TRPC3: variants seen among roughly 807,000 people sequenced by gnomAD.
The protein encoded by TRPC3 is transient receptor potential cation channel subfamily C member 3, also known as short transient receptor potential channel 3.
Under a neutral mutation model 90.9 loss-of-function variants are expected in TRPC3, and 54 were observed. The observed-to-expected ratio is 0.59, with a 90% CI of 0.48 to 0.75. The LOEUF (loss-of-function observed/expected upper bound fraction) is 0.75. Ranked by LOEUF, TRPC3 falls within the 30% of genes least tolerant of loss-of-function variation. The pLI is 0.00. For missense variants in TRPC3, 918 were observed against 1,194.5 expected, an observed-to-expected ratio of 0.77 and a Z score of 3.41; for synonymous variants, 424 against 450.9, an observed-to-expected ratio of 0.94 and a Z score of 0.75.
At chr4:121,949,298 A>G (rs71606243) in intron 1 of TRPC3, among the ~76,000 whole-genome samples, 33,651 of 152,056 alleles carry the variant, frequency 0.22, 3,784 homozygotes, top group East Asian at 0.29. Flanking sequence ...TTTTCCTCCC[A>G]AGTCAGTCTA....
chr4:121,931,155 A>G (rs866691454), intron 2 of TRPC3, among the ~76,000 whole-genome samples: 1 of 152,182 alleles, frequency 6.6e-6, no homozygotes, highest in Non-Finnish European at 1.5e-5. Context: ...GGCAAAGTAT[A>G]TTTTCTGTAT....
At chr4:121,942,265 A>G (rs1464788261) in intron 1 of TRPC3, among the ~76,000 whole-genome samples, 1 of 152,170 alleles carries the variant, frequency 6.6e-6, no homozygotes, top group Non-Finnish European at 1.5e-5. Context: ...TTCATGCATA[A>G]TTTTAATAAA....
chr4:121,909,331 C>T (rs1339366384), intron 6 of TRPC3, among the ~76,000 whole-genome samples: 1 of 152,098 alleles, frequency 6.6e-6, no homozygotes, highest in African/African-American at 2.4e-5. Context: ...AAAAAGTATT[C>T]TTCACAACCA....
At chr4:121,922,877 T>C (rs1269686411) in intron 3 of TRPC3, among the ~76,000 whole-genome samples, 1 of 152,240 alleles carries the variant, frequency 6.6e-6, no homozygotes, top group Non-Finnish European at 1.5e-5. Context: ...AATTTAATTA[T>C]CTTGTAACAT....
chr4:121,913,954 C>T (rs899221702), intron 4 of TRPC3, among the ~76,000 whole-genome samples: 8 of 152,178 alleles, frequency 5.3e-5, no homozygotes, highest in African/African-American at 1.9e-4. Flanking sequence ...CTCATTTTGC[C>T]TTGAAACTAC....
At chr4:121,913,132 G>A (rs937519617) in intron 4 of TRPC3, among the ~76,000 whole-genome samples, 7 of 152,124 alleles carry the variant, frequency 4.6e-5, no homozygotes, top group Non-Finnish European at 1.0e-4. Flanking sequence ...GCACACAGAC[G>A]AATGTCACAT....
intron 9 of TRPC3, among the ~76,000 whole-genome samples, chr4:121,901,580 T>C (rs1398946427): frequency 1.3e-5 from 2 of 152,212 alleles, no homozygotes; most frequent in African/African-American, 2.4e-5. Flanking sequence ...GAGGTTCAAA[T>C]GTACAGGAAA....
intron 6 of TRPC3, 130 bp downstream of exon 6, chr4:121,910,024 G>T: frequency 2.9e-6 from 2 of 699,324 alleles, no homozygotes; most frequent in Non-Finnish European, 2.4e-6. Flanking sequence ...CAAAGTTCAT[G>T]CTTTCTCCAC....
At position 121,892,990 on chromosome 4, in the gene TRPC3, A is replaced by T. The variant is rs1728382346; in HGVS notation, c.2547+6622T>A. Reference sequence around the variant, plus strand: ...ACAAAAGTTAGCTGGGTGTGGTGGCAGGCACCAGTAGTCCCAGCTACTCGG... The same window carrying T: ...ACAAAAGTTAGCTGGGTGTGGTGGCTGGCACCAGTAGTCCCAGCTACTCGG... On this transcript the variant is annotated intron_variant, in intron 10 of 11. Transcript: ENST00000379645. Among the ~76,000 whole-genome samples the T allele has an allele frequency of 2.0e-5, 3 of 151,892 alleles. 1 individual carries two copies. The highest frequency in any genetic ancestry group is 1.3e-4 in the Admixed American group (2 of 15,254).
chr4:121,930,483 G>A (rs1341956690), intron 2 of TRPC3, among the ~76,000 whole-genome samples: 1 of 152,120 alleles, frequency 6.6e-6, no homozygotes, highest in Non-Finnish European at 1.5e-5. Flanking sequence ...TATGGACTTA[G>A]TCAGCTTCAG....
At chr4:121,895,204 C>A (rs1728477270) in intron 10 of TRPC3, among the ~76,000 whole-genome samples, 1 of 151,618 alleles carries the variant, frequency 6.6e-6, no homozygotes, top group African/African-American at 2.4e-5. Context: ...ATGCCTACAT[C>A]CATCAAAAAA....
chr4:121,897,835 A>G (rs1728571389), intron 10 of TRPC3, among the ~76,000 whole-genome samples: 1 of 152,192 alleles, frequency 6.6e-6, no homozygotes, highest in Non-Finnish European at 1.5e-5. Context: ...CATTATATCA[A>G]AGAGACAACT....
Position 121,880,527 on chromosome 4 carries a change from T to C in TRPC3, c.2624-649A>G, listed in dbSNP as rs528844328. Among the ~76,000 whole-genome samples the C allele has an allele frequency of 9.9e-5, 15 of 152,258 alleles. No individual in the cohort carries two copies. In the East Asian group the frequency reaches 2.5e-3, roughly 25 times the overall value. On this transcript the variant is annotated intron_variant, in intron 11 of 11. Transcript: ENST00000379645. ...ACTGACAATATATTCCTGAAGAGAA[T>C]AGGAGAGTTTGGGCTATAAAAATAA...
chr4:121,909,015 A>G (rs1553939233), intron 6 of TRPC3, among the ~76,000 whole-genome samples: 1 of 152,272 alleles, frequency 6.6e-6, no homozygotes, highest in East Asian at 1.9e-4. Context: ...AACAATACAT[A>G]TAGGAGATAG....
chr4:121,950,536 C>T (rs1395543749), intron 1 of TRPC3: 1 of 152,342 alleles, frequency 6.6e-6, no homozygotes, highest in Non-Finnish European at 1.5e-5. Context: ...CAGAGCATCT[C>T]ACCCTGTGAA....
chr4:121,908,465 C>T lies in TRPC3; in HGVS notation c.1793-898G>A, dbSNP rs1002287408. On this transcript the variant is annotated intron_variant, in intron 6 of 11. Transcript: ENST00000379645. ...AGCACTATTCACAATAGCTAAGATA[C>T]GGAATCAACCTAGGTGCTCATCAAC... Among the ~76,000 whole-genome samples, 3 of 152,126 alleles carry T rather than the reference C, an allele frequency of 2.0e-5. No individual in the cohort carries two copies. The East Asian group carries it at 5.8e-4, about 29-fold the overall frequency.
intron 1 of TRPC3, among the ~76,000 whole-genome samples, chr4:121,940,268 TGCC>T (rs1480147993): frequency 1.1e-4 from 17 of 152,246 alleles, no homozygotes; most frequent in African/African-American, 4.1e-4. Flanking sequence ...TTGACTTAAT[TGCC>T]TAATTTATTG....
intron 1 of TRPC3, chr4:121,950,904 C>G (rs950369289): frequency 6.6e-6 from 1 of 152,476 alleles, no homozygotes; most frequent in Non-Finnish European, 1.5e-5. Context: ...CAACCCACAC[C>G]CTGTATCGCA....
chr4:121,949,593 G>C (rs374414044), intron 1 of TRPC3, among the ~76,000 whole-genome samples: 15 of 152,300 alleles, frequency 9.8e-5, no homozygotes, highest in African/African-American at 3.6e-4. Context: ...CTGTTACAGA[G>C]ATCAAGCTAG....
Sources: allele counts gnomAD v4.1 joint callset (sites outside exome capture counted in the v4.1 genomes callset), GRCh38; gene constraint gnomAD v4.1.1; transcripts MANE v1.5; gene names NCBI Gene and HGNC (gene_info 2026-07-23, HGNC 2026-07-21).